RTL4: variants seen among roughly 807,000 people sequenced by gnomAD.
The protein encoded by RTL4 is retrotransposon Gag like 4.
In RTL4, 4 loss-of-function variants were observed where a neutral mutation model predicts 5.3. The ratio of observed to expected loss-of-function variants is 0.75; its 90% CI spans 0.37 to 1.72. The LOEUF (loss-of-function observed/expected upper bound fraction) is 1.72. Among genes scored for constraint, RTL4 ranks in the 40% most tolerant of loss-of-function variants. The probability of loss-of-function intolerance (pLI) is 0.04; values close to 1 mark genes in which losing one functional copy is unlikely to be tolerated. For synonymous variants in RTL4, 98 were observed against 87.3 expected (o/e 1.12, Z -0.68); for missense variants, 260 against 227.1 (o/e 1.14, Z -0.93).
the RTL4 span, among the ~76,000 whole-genome samples, chrX:112,256,007 T>C: frequency 8.9e-6 from 1 of 112,194 alleles, no homozygotes; most frequent in South Asian, 3.7e-4. Context: ...CCATGTCATA[T>C]AATTGTTTCA....
the RTL4 span, among the ~76,000 whole-genome samples, chrX:112,281,376 A>G: frequency 8.9e-6 from 1 of 112,097 alleles, no homozygotes; most frequent in African/African-American, 3.2e-5. Context: ...ACATTTTAAA[A>G]ATCCATTCAT....
At chrX:112,324,225 T>C in the RTL4 span, among the ~76,000 whole-genome samples, 22 of 112,752 alleles carry the variant, frequency 2.0e-4, no homozygotes, top group African/African-American at 6.4e-4. Context: ...CAGTGTGTTT[T>C]CAAGGTCCAT....
chrX:112,324,911 T>G, the RTL4 span, among the ~76,000 whole-genome samples: 3 of 111,562 alleles, frequency 2.7e-5, no homozygotes, highest in Non-Finnish European at 5.6e-5. Context: ...TTGTTGTTGA[T>G]CTTCTGTCTA....
chrX:112,250,603 G>C, the RTL4 span, among the ~76,000 whole-genome samples: 1 of 112,236 alleles, frequency 8.9e-6, no homozygotes, highest in Admixed American at 9.4e-5. Flanking sequence ...GGGCTTATCA[G>C]AGTTATTTGA....
chrX:112,350,230 G>A, the RTL4 span, among the ~76,000 whole-genome samples: 1 of 110,351 alleles, frequency 9.1e-6, no homozygotes, highest in African/African-American at 3.3e-5. Context: ...GATCATGGTG[G>A]ATAAGCTTTT....
the RTL4 span, among the ~76,000 whole-genome samples, chrX:112,328,091 G>A: frequency 9.2e-6 from 1 of 108,382 alleles, no homozygotes; most frequent in Admixed American, 1.0e-4. Flanking sequence ...GGAAGAAACT[G>A]CATCAACTAA....
chrX:112,128,691 A>G, the RTL4 span, among the ~76,000 whole-genome samples: 16,170 of 106,194 alleles, frequency 0.15, 2,111 homozygotes, highest in African/African-American at 0.41. Flanking sequence ...AAAAGAACTT[A>G]GAAGTTGGGT....
chrX:112,224,952 C>T, the RTL4 span, among the ~76,000 whole-genome samples: 10 of 112,086 alleles, frequency 8.9e-5, no homozygotes, highest in African/African-American at 2.9e-4. Flanking sequence ...GAAAGTGCTT[C>T]CTATGTGCCA....
the RTL4 span, among the ~76,000 whole-genome samples, chrX:112,112,418 T>C: frequency 3.6e-5 from 4 of 111,798 alleles, no homozygotes; most frequent in East Asian, 2.8e-4. Context: ...CAGGGATTCA[T>C]AGTCGGCAAA....
the RTL4 span, among the ~76,000 whole-genome samples, chrX:112,210,614 T>C: frequency 5.1e-3 from 567 of 112,230 alleles, 6 homozygotes; most frequent in African/African-American, 0.018. Context: ...TCATCTCAGA[T>C]TCAAGCTGAT....
At chrX:112,096,301 G>A in the RTL4 span, among the ~76,000 whole-genome samples, 1 of 112,273 alleles carries the variant, frequency 8.9e-6, no homozygotes, top group Non-Finnish European at 1.9e-5. Context: ...CTACTTTACA[G>A]AAGGCTGGGT....
chrX:112,447,482 G>A, the RTL4 span, among the ~76,000 whole-genome samples: 5 of 112,181 alleles, frequency 4.5e-5, no homozygotes, highest in Admixed American at 9.4e-5. Context: ...GTCTAACTCC[G>A]AAGCCCATGA....
the RTL4 span, among the ~76,000 whole-genome samples, chrX:112,273,256 ATT>A: frequency 0.02 from 2,006 of 99,882 alleles, 52 homozygotes; most frequent in African/African-American, 0.068. Context: ...AGAGTTGATG[ATT>A]TTTTTTTTTT....
At chrX:112,331,714 T>C in the RTL4 span, among the ~76,000 whole-genome samples, 3 of 102,587 alleles carry the variant, frequency 2.9e-5, no homozygotes, top group Non-Finnish European at 5.9e-5. Context: ...CACATGTATG[T>C]TTATTGCGGC....
chrX:112,130,791 GTTTTTTT>G, the RTL4 span, among the ~76,000 whole-genome samples: 1 of 88,920 alleles, frequency 1.1e-5, no homozygotes, highest in African/African-American at 4.6e-5. Flanking sequence ...ATGGGTGTGG[GTTTTTTT>G]TTTTTTTTTT....
the RTL4 span, among the ~76,000 whole-genome samples, chrX:112,429,249 CT>C: frequency 1.1e-3 from 120 of 110,975 alleles, no homozygotes; most frequent in Non-Finnish European, 2.0e-3. Flanking sequence ...GATTTTCAGC[CT>C]TTTTTTGGTT....
the RTL4 span, among the ~76,000 whole-genome samples, chrX:112,209,386 A>G: frequency 8.9e-6 from 1 of 112,013 alleles, no homozygotes; most frequent in Admixed American, 9.5e-5. Flanking sequence ...CACTGCTCAA[A>G]GTTCTGCCAA....
the RTL4 span, among the ~76,000 whole-genome samples, chrX:112,419,575 G>GTGTATATATATATATATATATATATA: frequency 1.1e-4 from 5 of 46,268 alleles, 1 homozygote; most frequent in Non-Finnish European, 1.1e-4. Flanking sequence ...GGCCAAGGTA[G>GTGTATATATATATATATATATATATA]TATATATATA....
At chrX:112,342,354 C>T in the RTL4 span, among the ~76,000 whole-genome samples, 1 of 111,474 alleles carries the variant, frequency 9.0e-6, no homozygotes, top group African/African-American at 3.3e-5. Context: ...TTTTATTGGT[C>T]TGGAGTAGAT....
Sources: gnomAD v4.1 joint callset for allele counts (sites outside exome capture counted in the v4.1 genomes callset) on GRCh38, gnomAD v4.1.1 for gene constraint, MANE v1.5 for transcripts, NCBI Gene and HGNC (gene_info 2026-07-23, HGNC 2026-07-21) for gene names.